TMEM106A: variants seen among roughly 807,000 people sequenced by gnomAD.
The protein encoded by TMEM106A is transmembrane protein 106A.
A neutral mutation model predicts 25.1 loss-of-function variants in TMEM106A; 22 were observed. The ratio of observed to expected loss-of-function variants is 0.88; its 90% CI spans 0.63 to 1.25. The LOEUF (loss-of-function observed/expected upper bound fraction) is 1.25, where lower values mean the gene tolerates loss of function less well. Among genes scored for constraint, TMEM106A ranks in the 50% most tolerant of loss-of-function variants. The pLI is 0.00. For missense variants in TMEM106A, 275 were observed against 318.1 expected (o/e 0.86, Z 1.03); for synonymous variants, 104 against 129.9 (o/e 0.80, Z 1.35).
chr17:43,218,669 ACT>A lies in TMEM106A; in HGVS notation c.*871_*872del, dbSNP rs1211113325. The A allele has an allele frequency of 1.3e-5, 2 of 151,912 alleles. No homozygotes were observed. The highest frequency in any genetic ancestry group is 4.8e-5 in the African/African-American group (2 of 41,322). The allele number at this position is 151,912 out of a possible 1,614,324, so 9.4% of individuals were successfully genotyped here. A position where few individuals can be genotyped will look rare whatever the true frequency, so the allele number is the denominator to read the frequency against. On this transcript the variant is annotated 3_prime_UTR_variant, in exon 9 of 9. Coordinates refer to ENST00000612339, the MANE Select transcript of TMEM106A (RefSeq NM_145041.4). ...GAGCAAAACTTTGTCTCAAAAAAAGACTCTTTTCAAGTTTTCTACCCTCTGAT... is the reference window on the plus strand; with the variant it reads ...GAGCAAAACTTTGTCTCAAAAAAAGACTTTTCAAGTTTTCTACCCTCTGAT...
chr17:43,216,941 T>A, intron 7 of TMEM106A: 1 of 684,018 alleles, frequency 1.5e-6, no homozygotes, highest in South Asian at 1.8e-5. Flanking sequence ...AAAAACAGGC[T>A]GGAATTTGGT....
intron 6 of TMEM106A, 48 bp downstream of exon 6, chr17:43,216,637 G>T: frequency 1.2e-6 from 2 of 1,614,192 alleles, no homozygotes; most frequent in South Asian, 1.1e-5. Flanking sequence ...GTGTGGATGT[G>T]TGGTAGTGGG....
chr17:43,217,633 C>G, intron 8 of TMEM106A, 48 bp from the exon 9 acceptor site: 1 of 1,611,842 alleles, frequency 6.2e-7, no homozygotes, highest in Non-Finnish European at 8.5e-7. Flanking sequence ...GGGGCCAGAG[C>G]TTTCCTTTTC....
chr17:43,213,907 TC>T lies in TMEM106A; in HGVS notation c.275+20del. On this transcript the variant is annotated intron_variant, in intron 4 of 8. Coordinates refer to ENST00000612339, the MANE Select transcript of TMEM106A (RefSeq NM_145041.4). Reference sequence around the variant, plus strand: ...CCAAGCACACGTAAGCCCCCCTTCCTCCCCTAGCTTCACAAGCCATTGCCCC... The same window carrying T: ...CCAAGCACACGTAAGCCCCCCTTCCTCCCTAGCTTCACAAGCCATTGCCCC... 6.2e-7 allele frequency: 1 copy of T among 1,613,346 alleles called. No homozygotes were observed. Among genetic ancestry groups the T allele is most frequent in the Non-Finnish European group, 8.5e-7 (1 of 1,179,698 alleles).
intron 4 of TMEM106A, among the ~76,000 whole-genome samples, chr17:43,215,071 C>T (rs1052995947): frequency 1.3e-5 from 2 of 151,628 alleles, no homozygotes; most frequent in Admixed American, 6.6e-5. Flanking sequence ...ATGGCAAAAC[C>T]GCCTCTACTA....
At chr17:43,216,801 A>G in intron 7 of TMEM106A, 61 bp downstream of exon 7, 1 of 1,602,214 alleles carries the variant, frequency 6.2e-7, no homozygotes, top group Non-Finnish European at 8.6e-7. Context: ...CCCAATTAAT[A>G]CCCACCAGCT....
chr17:43,215,890 C>G lies in TMEM106A; in HGVS notation c.378C>G (p.Leu126=). 1 of 1,614,126 alleles carries G rather than the reference C, an allele frequency of 6.2e-7. No homozygotes were observed. The highest frequency in any genetic ancestry group is 8.5e-7 in the Non-Finnish European group (1 of 1,180,032). The change falls in exon 5 of 9, where the codon CTC becomes CTG. Residue 126 remains leucine (L), a synonymous_variant. Transcript: ENST00000612339. Reference sequence around the variant, plus strand: ...CCGTCATTGTGCAGCCTGCAGGCCTCAACTCCTCCACAGTGGCCTTTGATG... The same window carrying G: ...CCGTCATTGTGCAGCCTGCAGGCCTGAACTCCTCCACAGTGGCCTTTGATG... The part of the protein sequence containing the change: ...PRSVIVQPAG[L]NSSTVAFDEA...
chr17:43,213,006 G>A lies in TMEM106A; in HGVS notation c.-21-15G>A, dbSNP rs2057449012. The A allele has an allele frequency of 6.2e-7, 1 of 1,609,194 alleles. No individual in the cohort carries two copies. Among genetic ancestry groups the A allele is most frequent in the African/African-American group, 1.3e-5 (1 of 74,748 alleles). ...CTAACAAGCTTAGCACTGAACTTTGGTCTTTTCTCATTAGTGAAACCCCCG... is the reference window on the plus strand; with the variant it reads ...CTAACAAGCTTAGCACTGAACTTTGATCTTTTCTCATTAGTGAAACCCCCG... On this transcript the variant is annotated splice_polypyrimidine_tract_variant and intron_variant, in intron 2 of 8. Coordinates refer to ENST00000612339, the MANE Select transcript of TMEM106A (RefSeq NM_145041.4).
chr17:43,213,094 C>T lies in TMEM106A; in HGVS notation c.53C>T (p.Ser18Leu), dbSNP rs762525405. The T allele has an allele frequency of 6.2e-7, 1 of 1,614,200 alleles. No individual in the cohort carries two copies. Among genetic ancestry groups the T allele is most frequent in the South Asian group, 1.1e-5 (1 of 91,064 alleles). The change falls in exon 3 of 9, where the codon TCA becomes TTA. Residue 18 changes from serine (S) to leucine (L), a missense_variant. By Grantham distance (145) the Ser-to-Leu change is moderately radical. Transcript: ENST00000612339. ...LGSWREDENK[S>L]ILSSKPAIGS... ...TCTTGGCGGGAGGATGAGAACAAGT[C>T]AATCCTGTCCTCCAAACCAGCCATT... is the stretch of plus-strand genomic sequence containing the variant.
chr17:43,215,178 G>C (rs2057473557), intron 4 of TMEM106A, among the ~76,000 whole-genome samples: 2 of 152,060 alleles, frequency 1.3e-5, no homozygotes, highest in African/African-American at 4.8e-5. Flanking sequence ...GGGAGGTGGA[G>C]GTTGCAGTGA....
chr17:43,213,990 G>A, intron 4 of TMEM106A, 99 bp downstream of exon 4: 1 of 1,273,020 alleles, frequency 7.9e-7, no homozygotes. Context: ...CTTCCTATTA[G>A]TTCTTCCATA....
rs535157896 is a variant in TMEM106A at position 43,218,800 on chromosome 17, G to A, written c.*999G>A. The A allele has an allele frequency of 1.3e-5, 2 of 152,340 alleles. No homozygotes were observed. The highest frequency in any genetic ancestry group is 3.9e-4 in the East Asian group (2 of 5,180). The allele number at this position is 152,340 out of a possible 1,614,324, so 9.4% of individuals were successfully genotyped here. A position where few individuals can be genotyped will look rare whatever the true frequency, so the allele number is the denominator to read the frequency against. On this transcript the variant is annotated 3_prime_UTR_variant, in exon 9 of 9. Transcript: ENST00000612339. ...TGACCATGTGAAAAAGTGATAGTCT[G>A]CTTCTCTCTGGTAACTTGTCTGCCA... is the stretch of plus-strand genomic sequence containing the variant.
intron 4 of TMEM106A, among the ~76,000 whole-genome samples, chr17:43,214,201 AAAAAG>A (rs1451820612): frequency 5.5e-5 from 8 of 146,040 alleles, no homozygotes; most frequent in Non-Finnish European, 1.1e-4. Context: ...AAAAAAAAAA[AAAAAG>A]AAAAAAAAAA....
intron 4 of TMEM106A, among the ~76,000 whole-genome samples, chr17:43,214,484 G>A (rs1327142806): frequency 6.6e-6 from 1 of 152,164 alleles, no homozygotes; most frequent in Non-Finnish European, 1.5e-5. Context: ...TTCTAGTAGA[G>A]ATGAAAAACC....
At chr17:43,217,448 C>T (rs946336446) in intron 8 of TMEM106A, 136 bp downstream of exon 8, 1 of 1,301,418 alleles carries the variant, frequency 7.7e-7, no homozygotes, top group Non-Finnish European at 1.1e-6. Context: ...GCAAGTCTAG[C>T]CCCTTTTCTG....
rs553087002 is a variant in TMEM106A at position 43,218,941 on chromosome 17, A to G, written c.*1140A>G. ...TCTCCAGCTAAAGCGTCTCCTCTCT[A>G]TAAAGTAGTTTTACTATTCTTTTCA... On this transcript the variant is annotated 3_prime_UTR_variant, in exon 9 of 9. Transcript: ENST00000612339. The G allele has an allele frequency of 6.6e-6, 1 of 152,260 alleles. No individual in the cohort carries two copies. The highest frequency in any genetic ancestry group is 1.9e-4 in the East Asian group (1 of 5,178). 9.4% of individuals were successfully genotyped at this position (152,260 alleles called of 1,614,324 possible).
intron 3 of TMEM106A, 58 bp downstream of exon 3, chr17:43,213,310 TGGCCTGGGGCA>T: frequency 6.3e-7 from 1 of 1,589,332 alleles, no homozygotes; most frequent in South Asian, 1.1e-5. Flanking sequence ...CTTAGCCTGT[TGGCCTGGGGCA>T]GCCCCTCTGA....
chr17:43,213,926 A>G lies in TMEM106A; in HGVS notation c.275+35A>G, dbSNP rs1422359811. On this transcript the variant is annotated intron_variant, in intron 4 of 8. Transcript: ENST00000612339. ...CCTTCCTCCCCTAGCTTCACAAGCC[A>G]TTGCCCCTGGGGGCTGCTCCCTTTG... 5.0e-6 allele frequency: 8 copies of G among 1,610,778 alleles called. No individual in the cohort carries two copies. The African/African-American group carries it at 6.7e-5, about 13-fold the overall frequency.
Position 43,218,028 on chromosome 17 carries a change from C to T in TMEM106A, c.*227C>T. ...CCCAGATTCTTTCAGGGGCTGCCAT[C>T]AGATTCTGCCCTTGGTTAGTTTTTT... On this transcript the variant is annotated 3_prime_UTR_variant, in exon 9 of 9. Transcript: ENST00000612339. The T allele has an allele frequency of 1.7e-6, 1 of 584,492 alleles. No individual in the cohort carries two copies. The highest frequency in any genetic ancestry group is 3.3e-5 in the East Asian group (1 of 30,712). 36.2% of individuals were successfully genotyped at this position (584,492 alleles called of 1,614,324 possible).
Sources: allele counts gnomAD v4.1 joint callset (sites outside exome capture counted in the v4.1 genomes callset), GRCh38; gene constraint gnomAD v4.1.1; transcripts MANE v1.5; gene names NCBI Gene and HGNC (gene_info 2026-07-23, HGNC 2026-07-21).